Variants in CSMD1 observed in about 807,000 individuals in gnomAD.
CSMD1 encodes the protein CUB and Sushi multiple domains 1.
In CSMD1, 213 loss-of-function variants were observed where a neutral mutation model predicts 417.5. That is an observed-to-expected ratio of 0.51 (90% CI 0.46 to 0.57). The LOEUF is 0.57. Ranked by LOEUF, CSMD1 falls within the 20% of genes least tolerant of loss-of-function variation. CSMD1 has a pLI of 0.00. For synonymous variants in CSMD1, 2,862 were observed against 1,736.8 expected (o/e 1.65, Z -16.11); for missense variants, 6,923 against 4,529.7 (o/e 1.53, Z -15.17).
At chr8:4,073,915 TAATC>T (rs543317441) in intron 3 of CSMD1, among the ~76,000 whole-genome samples, 25 of 151,044 alleles carry the variant, frequency 1.7e-4, no homozygotes, top group Non-Finnish European at 2.5e-4. Context: ...CAAGTAGTCT[TAATC>T]TATACAGACG....
intron 1 of CSMD1, among the ~76,000 whole-genome samples, chr8:4,690,418 A>G (rs897161892): frequency 6.6e-6 from 1 of 152,242 alleles, no homozygotes; most frequent in African/African-American, 2.4e-5. Flanking sequence ...AGAATATTCA[A>G]CAGCCAAAAA....
intron 7 of CSMD1, among the ~76,000 whole-genome samples, chr8:3,644,710 T>G (rs1176280918): frequency 1.3e-5 from 2 of 151,964 alleles, no homozygotes; most frequent in African/African-American, 4.8e-5. Context: ...GTTACAGGGT[T>G]TATTTGTGGG....
At chr8:3,532,748 AATAT>A (rs1474912123) in intron 10 of CSMD1, among the ~76,000 whole-genome samples, 1 of 152,232 alleles carries the variant, frequency 6.6e-6, no homozygotes, top group Non-Finnish European at 1.5e-5. Context: ...TCTATTGATC[AATAT>A]ATAGACAACA....
intron 3 of CSMD1, among the ~76,000 whole-genome samples, chr8:4,302,978 C>T (rs1332016676): frequency 6.6e-6 from 1 of 151,994 alleles, no homozygotes; most frequent in East Asian, 1.9e-4. Context: ...AAGTTCAGCC[C>T]TCTGTATATC....
intron 5 of CSMD1, among the ~76,000 whole-genome samples, chr8:3,779,359 A>T (rs1799056723): frequency 6.6e-6 from 1 of 152,164 alleles, no homozygotes; most frequent in African/African-American, 2.4e-5. Flanking sequence ...TACAAATTGT[A>T]ATGACCCAAG....
intron 21 of CSMD1, among the ~76,000 whole-genome samples, chr8:3,348,666 G>C (rs1362306351): frequency 6.6e-6 from 1 of 152,048 alleles, no homozygotes; most frequent in South Asian, 2.1e-4. Context: ...TCTTCAGGAT[G>C]TCACATCCCT....
intron 3 of CSMD1, among the ~76,000 whole-genome samples, chr8:4,152,754 A>G (rs1356506157): frequency 6.9e-6 from 1 of 143,932 alleles, no homozygotes; most frequent in East Asian, 1.9e-4. Flanking sequence ...CCATAGTAAT[A>G]TATACATATA....
At chr8:3,214,099 C>T (rs1797759624) in intron 30 of CSMD1, among the ~76,000 whole-genome samples, 1 of 152,024 alleles carries the variant, frequency 6.6e-6, no homozygotes, top group Non-Finnish European at 1.5e-5. Context: ...TCGCCTCAGC[C>T]TCTTGAAGTG....
intron 23 of CSMD1, among the ~76,000 whole-genome samples, chr8:3,334,548 G>T (rs1563282964): frequency 1.3e-5 from 2 of 152,194 alleles, no homozygotes; most frequent in South Asian, 2.1e-4. Context: ...AAACCAGCAT[G>T]ACAGCTACAT....
At chr8:3,716,427 G>A (rs567519234) in intron 6 of CSMD1, among the ~76,000 whole-genome samples, 3 of 152,280 alleles carry the variant, frequency 2.0e-5, no homozygotes, top group Admixed American at 6.5e-5. Flanking sequence ...GCTAAACAAG[G>A]GGTGGATTAT....
At chr8:4,475,587 C>G (rs1042188205) in intron 2 of CSMD1, among the ~76,000 whole-genome samples, 3 of 151,946 alleles carry the variant, frequency 2.0e-5, no homozygotes, top group African/African-American at 7.2e-5. Flanking sequence ...GCACAACGTT[C>G]TTTTCTTAGG....
intron 6 of CSMD1, among the ~76,000 whole-genome samples, chr8:3,735,991 T>C (rs925707953): frequency 1.3e-5 from 2 of 151,736 alleles, no homozygotes; most frequent in African/African-American, 4.8e-5. Flanking sequence ...TGGTTTTCAG[T>C]GGGAATAAGT....
At chr8:3,779,303 T>C (rs918522080) in intron 5 of CSMD1, among the ~76,000 whole-genome samples, 2 of 152,048 alleles carry the variant, frequency 1.3e-5, no homozygotes, top group African/African-American at 4.8e-5. Context: ...CTTGAACTTT[T>C]CTATTGATTT....
chr8:4,132,145 C>T (rs370874264), intron 3 of CSMD1, among the ~76,000 whole-genome samples: 1 of 150,724 alleles, frequency 6.6e-6, no homozygotes, highest in South Asian at 2.1e-4. Flanking sequence ...GACATTTCTA[C>T]AGATCAGCTG....
At chr8:3,700,350 G>T (rs1027684821) in intron 7 of CSMD1, 1 of 152,126 alleles carries the variant, frequency 6.6e-6, no homozygotes, top group Admixed American at 6.5e-5. Context: ...GAAATGAAAT[G>T]AACAGGGTTA....
chr8:2,946,793 T>C (rs1442471769), intron 68 of CSMD1, among the ~76,000 whole-genome samples: 1 of 152,218 alleles, frequency 6.6e-6, no homozygotes, highest in African/African-American at 2.4e-5. Context: ...AACTGTTTGA[T>C]GAACTACCAG....
intron 2 of CSMD1, among the ~76,000 whole-genome samples, chr8:4,474,230 G>A (rs962244371): frequency 3.3e-5 from 5 of 152,000 alleles, no homozygotes; most frequent in African/African-American, 1.2e-4. Context: ...TTTATTATAG[G>A]TATAACACGA....
At chr8:4,350,535 A>G (rs572122763) in intron 3 of CSMD1, among the ~76,000 whole-genome samples, 2 of 152,300 alleles carry the variant, frequency 1.3e-5, no homozygotes, top group African/African-American at 4.8e-5. Context: ...AGGAGGTAGG[A>G]ATGGAGGCTA....
Position 4,144,410 on chromosome 8 carries a change from GA to G in CSMD1, c.416-112312del, listed in dbSNP as rs1004890163. On this transcript the variant is annotated intron_variant, in intron 3 of 69. Coordinates refer to ENST00000635120, the MANE Select transcript of CSMD1 (RefSeq NM_033225.6). Reference sequence around the variant, plus strand: ...TAATTTATCTTTTCTGTTTTGCCAGGAAAAATCTGAAGTGAAGAATCACATT... The same window carrying G: ...TAATTTATCTTTTCTGTTTTGCCAGGAAAATCTGAAGTGAAGAATCACATT... Among the ~76,000 whole-genome samples, 70 of 151,206 alleles carry G rather than the reference GA, an allele frequency of 4.6e-4. 4 individuals are homozygous for G. The highest frequency in any genetic ancestry group is 2.7e-3 in the South Asian group (13 of 4,816).
Sources: gnomAD v4.1 joint callset for allele counts (sites outside exome capture counted in the v4.1 genomes callset) on GRCh38, gnomAD v4.1.1 for gene constraint, MANE v1.5 for transcripts, NCBI Gene and HGNC (gene_info 2026-07-23, HGNC 2026-07-21) for gene names.